FRMD3: variants seen among roughly 807,000 people sequenced by gnomAD.
FRMD3 encodes FERM domain-containing protein 3.
Under a neutral mutation model 70.2 loss-of-function variants are expected in FRMD3, and 33 were observed. The observed-to-expected ratio is 0.47, with a 90% CI of 0.36 to 0.63. The LOEUF (loss-of-function observed/expected upper bound fraction) is 0.63, where lower values mean the gene tolerates loss of function less well. Ranked by LOEUF, FRMD3 falls within the 20% of genes least tolerant of loss-of-function variation. FRMD3 has a pLI of 0.00. For synonymous variants in FRMD3, 279 were observed against 255.9 expected, an observed-to-expected ratio of 1.09 and a Z score of -0.86; for missense variants, 632 against 711.4, an observed-to-expected ratio of 0.89 and a Z score of 1.27.
chr9:83,381,168 CAAG>C (rs1825340260), intron 2 of FRMD3, among the ~76,000 whole-genome samples: 2 of 152,306 alleles, frequency 1.3e-5, no homozygotes, highest in Admixed American at 1.3e-4. Flanking sequence ...ATTCCAGTTT[CAAG>C]AAGATCTATG....
intron 13 of FRMD3, chr9:83,266,972 A>G: frequency 6.5e-7 from 1 of 1,537,864 alleles, no homozygotes; most frequent in Non-Finnish European, 8.8e-7. Context: ...AAGCCCGCAC[A>G]CTTCAGGAAC....
chr9:83,313,717 G>A lies in FRMD3; in HGVS notation c.627C>T (p.Asn209=), dbSNP rs1326625652. The A allele has an allele frequency of 6.2e-7, 1 of 1,614,050 alleles. No homozygotes were observed. Among genetic ancestry groups the A allele is most frequent in the African/African-American group, 1.3e-5 (1 of 74,946 alleles). The change falls in exon 7 of 14, where the codon AAC becomes AAT. Residue 209 remains asparagine (N), a synonymous_variant. Coordinates refer to ENST00000304195, the MANE Select transcript of FRMD3 (RefSeq NM_174938.6). ...RGQSPPVAEF[N]LLLKAHTLET... ...CCAAAGTGTGAGCTTTCAGGAGCAA[G>A]TTAAATTCAGCAACTGGTGGGCTCT...
intron 3 of FRMD3, among the ~76,000 whole-genome samples, chr9:83,365,636 A>T (rs1298639172): frequency 6.6e-6 from 1 of 152,158 alleles, no homozygotes; most frequent in Non-Finnish European, 1.5e-5. Context: ...AGCATCCCTC[A>T]ACACTACCGG....
chr9:83,476,291 G>A (rs150518922), intron 1 of FRMD3, among the ~76,000 whole-genome samples: 122 of 152,006 alleles, frequency 8.0e-4, no homozygotes, highest in African/African-American at 2.7e-3. Context: ...GGCTGAGGCA[G>A]GAGAATCGCT....
chr9:83,362,975 C>A (rs1480628774), intron 3 of FRMD3, among the ~76,000 whole-genome samples: 3 of 149,192 alleles, frequency 2.0e-5, no homozygotes, highest in Non-Finnish European at 4.5e-5. Flanking sequence ...TCCTTTCCTC[C>A]CTCCTTCCTT....
At chr9:83,395,266 C>T (rs1213385299) in intron 1 of FRMD3, among the ~76,000 whole-genome samples, 1 of 107,022 alleles carries the variant, frequency 9.3e-6, no homozygotes. Context: ...GAACTGTCCT[C>T]TATAGATTTA....
upstream of FRMD3, among the ~76,000 whole-genome samples, chr9:83,539,168 C>A (rs1829966654): frequency 6.6e-6 from 1 of 152,148 alleles, no homozygotes; most frequent in African/African-American, 2.4e-5. Context: ...CCCGGTTGCT[C>A]AGGAATTAAG....
chr9:83,454,292 G>A (rs1173179500), intron 1 of FRMD3, among the ~76,000 whole-genome samples: 1 of 152,162 alleles, frequency 6.6e-6, no homozygotes, highest in Admixed American at 6.5e-5. Context: ...AGAAACAAAG[G>A]TGATTTATTC....
At chr9:83,460,239 C>T (rs1266370893) in intron 1 of FRMD3, among the ~76,000 whole-genome samples, 3 of 151,902 alleles carry the variant, frequency 2.0e-5, no homozygotes, top group East Asian at 1.9e-4. Context: ...GCACATAAGG[C>T]TTCTTCTTGG....
intron 1 of FRMD3, among the ~76,000 whole-genome samples, chr9:83,493,514 A>G (rs1828875554): frequency 6.6e-6 from 1 of 152,218 alleles, no homozygotes; most frequent in South Asian, 2.1e-4. Flanking sequence ...CTTACAGTTG[A>G]TACCTATGAA....
chr9:83,288,678 C>A (rs1834307954), intron 13 of FRMD3, among the ~76,000 whole-genome samples: 2 of 152,304 alleles, frequency 1.3e-5, no homozygotes, highest in East Asian at 1.9e-4. Flanking sequence ...GTAGCTTATG[C>A]ATTCCTATCC....
At chr9:83,466,158 G>A (rs1007563782) in intron 1 of FRMD3, among the ~76,000 whole-genome samples, 1 of 152,210 alleles carries the variant, frequency 6.6e-6, no homozygotes, top group African/African-American at 2.4e-5. Flanking sequence ...CAGGACTCTG[G>A]AATTCAGTCT....
chr9:83,312,278 T>C (rs1835390331), intron 7 of FRMD3, among the ~76,000 whole-genome samples: 1 of 152,242 alleles, frequency 6.6e-6, no homozygotes, highest in African/African-American at 2.4e-5. Flanking sequence ...CTTCCGGGGC[T>C]GCCTGTGTTC....
At chr9:83,373,014 A>C (rs1825029731) in intron 2 of FRMD3, 59 bp from the exon 3 acceptor site, 3 of 1,373,948 alleles carry the variant, frequency 2.2e-6, no homozygotes, top group African/African-American at 2.9e-5. Flanking sequence ...CCATACAACG[A>C]ATACCTAATA....
intron 13 of FRMD3, among the ~76,000 whole-genome samples, chr9:83,269,995 G>A (rs2118791861): frequency 6.6e-6 from 1 of 152,256 alleles, no homozygotes; most frequent in South Asian, 2.1e-4. Context: ...CTGCCCACAG[G>A]GGTGTCTACC....
intron 6 of FRMD3, among the ~76,000 whole-genome samples, chr9:83,329,735 G>A (rs931898533): frequency 6.6e-6 from 1 of 152,128 alleles, no homozygotes; most frequent in Non-Finnish European, 1.5e-5. Flanking sequence ...TGCTCTTCAA[G>A]GGCAAGGAAT....
chr9:83,562,986 G>GA, the FRMD3 span, among the ~76,000 whole-genome samples: 22,807 of 123,016 alleles, frequency 0.19, 2,439 homozygotes, highest in African/African-American at 0.34. Context: ...GTGATTAAAT[G>GA]AAAAAAAAAA....
At chr9:83,467,411 T>G (rs569761047) in intron 1 of FRMD3, among the ~76,000 whole-genome samples, 1 of 152,296 alleles carries the variant, frequency 6.6e-6, no homozygotes, top group Non-Finnish European at 1.5e-5. Context: ...TCTGGTTTGG[T>G]TTCTTGAAAG....
At chr9:83,353,288 A>AAG (rs1824224874) in intron 3 of FRMD3, among the ~76,000 whole-genome samples, 1 of 123,486 alleles carries the variant, frequency 8.1e-6, no homozygotes, top group Non-Finnish European at 1.7e-5. Flanking sequence ...GGGGTGGGGG[A>AAG]GGGGGGGCAC....
Sources: gnomAD v4.1 joint callset for allele counts (sites outside exome capture counted in the v4.1 genomes callset) on GRCh38, gnomAD v4.1.1 for gene constraint, MANE v1.5 for transcripts, NCBI Gene and HGNC (gene_info 2026-07-23, HGNC 2026-07-21) for gene names.